CRTAC1: variants seen among roughly 807,000 people sequenced by gnomAD.
CRTAC1 encodes the protein cartilage acidic protein 1, also known as acidic secreted protein in cartilage.
CRTAC1 carries 37 observed loss-of-function variants against 67.8 expected under a neutral mutation model. The observed-to-expected ratio is 0.55, with a 90% CI of 0.42 to 0.72. The LOEUF (loss-of-function observed/expected upper bound fraction) is 0.72. Ranked by LOEUF, CRTAC1 falls within the 30% of genes least tolerant of loss-of-function variation. The pLI, the probability that CRTAC1 is intolerant of heterozygous loss-of-function variation, is 0.00. For missense variants in CRTAC1, 780 were observed against 931.6 expected, an observed-to-expected ratio of 0.84 and a Z score of 2.12; for synonymous variants, 348 against 371.0, an observed-to-expected ratio of 0.94 and a Z score of 0.71.
intron 2 of CRTAC1, among the ~76,000 whole-genome samples, chr10:97,966,854 A>G (rs559437311): frequency 6.6e-6 from 1 of 152,160 alleles, no homozygotes; most frequent in South Asian, 2.1e-4. Context: ...GGTTTTTGGG[A>G]GGAAGACCAC....
chr10:97,927,428 G>A (rs547510975), intron 3 of CRTAC1, among the ~76,000 whole-genome samples: 97 of 152,176 alleles, frequency 6.4e-4, no homozygotes, highest in Non-Finnish European at 1.2e-3. Flanking sequence ...TTTCCCAAAT[G>A]TTCCTTGGCC....
Position 97,949,544 on chromosome 10 carries a change from G to C in CRTAC1, c.225-13178C>G, listed in dbSNP as rs113212140. Reference sequence around the variant, plus strand: ...GGCTGCCTTCCCCCAACCCTACGGAGTGTCTTGGTAAAGGTGGCAGAAGCA... The same window carrying C: ...GGCTGCCTTCCCCCAACCCTACGGACTGTCTTGGTAAAGGTGGCAGAAGCA... On this transcript the variant is annotated intron_variant, in intron 2 of 14. Transcript: ENST00000370597. Among the ~76,000 whole-genome samples, 45 of 152,370 alleles carry C rather than the reference G, an allele frequency of 3.0e-4. 1 individual carries two copies. The highest frequency in any genetic ancestry group is 1.1e-3 in the African/African-American group (45 of 41,592).
At chr10:97,971,945 C>T (rs1256504349) in intron 2 of CRTAC1, among the ~76,000 whole-genome samples, 1 of 152,114 alleles carries the variant, frequency 6.6e-6, no homozygotes, top group African/African-American at 2.4e-5. Flanking sequence ...GCGTGTCCAG[C>T]GTGCCTTTTA....
intron 2 of CRTAC1, among the ~76,000 whole-genome samples, chr10:97,976,082 G>A (rs1369627606): frequency 6.6e-6 from 1 of 152,136 alleles, no homozygotes; most frequent in Non-Finnish European, 1.5e-5. Context: ...CCTGTTCCTG[G>A]CCATCTAGAG....
At chr10:97,989,788 C>T (rs1031916504) in intron 2 of CRTAC1, among the ~76,000 whole-genome samples, 3 of 152,208 alleles carry the variant, frequency 2.0e-5, no homozygotes, top group Non-Finnish European at 2.9e-5. Flanking sequence ...GTAACTCGTT[C>T]TAAGGTCCCA....
intron 13 of CRTAC1, among the ~76,000 whole-genome samples, chr10:97,880,920 G>T (rs1302260288): frequency 6.6e-6 from 1 of 151,896 alleles, no homozygotes; most frequent in Non-Finnish European, 1.5e-5. Flanking sequence ...CGTCTTTCTT[G>T]CCCCCTGTGC....
At chr10:97,878,870 C>T (rs893386125) in intron 14 of CRTAC1, among the ~76,000 whole-genome samples, 3 of 152,190 alleles carry the variant, frequency 2.0e-5, no homozygotes, top group Admixed American at 6.5e-5. Flanking sequence ...AGTACACACT[C>T]CATTTCTGCC....
intron 8 of CRTAC1, 39 bp from the exon 9 acceptor site, chr10:97,897,030 A>AAT: frequency 6.8e-7 from 1 of 1,478,152 alleles, no homozygotes; most frequent in African/African-American, 1.4e-5. Flanking sequence ...GTGGGGTCTC[A>AAT]GAGGCCGCTG....
At chr10:97,954,473 G>C (rs2051408664) in intron 2 of CRTAC1, among the ~76,000 whole-genome samples, 2 of 152,194 alleles carry the variant, frequency 1.3e-5, no homozygotes, top group South Asian at 4.1e-4. Flanking sequence ...CAGTGACCCA[G>C]ATTCTGCCCT....
intron 11 of CRTAC1, among the ~76,000 whole-genome samples, chr10:97,887,969 G>A (rs972185676): frequency 2.0e-5 from 3 of 152,254 alleles, no homozygotes; most frequent in African/African-American, 4.8e-5. Flanking sequence ...ACATCTCCAC[G>A]AGGAAGGTGC....
chr10:97,896,801 G>A, intron 9 of CRTAC1, 108 bp downstream of exon 9: 1 of 681,726 alleles, frequency 1.5e-6, no homozygotes, highest in Non-Finnish European at 2.4e-6. Flanking sequence ...GGCAGGGACA[G>A]GAGTGGCTCT....
At chr10:97,951,676 T>A (rs1210005734) in intron 2 of CRTAC1, among the ~76,000 whole-genome samples, 3 of 152,240 alleles carry the variant, frequency 2.0e-5, no homozygotes, top group Non-Finnish European at 4.4e-5. Flanking sequence ...GATAAACAGT[T>A]ATTTTAATTA....
intron 2 of CRTAC1, among the ~76,000 whole-genome samples, chr10:97,979,037 G>A (rs1280164025): frequency 2.0e-5 from 3 of 152,092 alleles, no homozygotes; most frequent in African/African-American, 4.8e-5. Context: ...GCTGGTCCTC[G>A]ACTCTGTGTG....
At chr10:98,002,977 G>T (rs1337937516) in intron 2 of CRTAC1, among the ~76,000 whole-genome samples, 4 of 151,016 alleles carry the variant, frequency 2.6e-5, no homozygotes, top group Admixed American at 6.6e-5. Context: ...TAGAGACGGG[G>T]TTTCACCATG....
rs547484279 is a variant in CRTAC1, at chr10:97,967,575, AT to A, written c.225-31210del. Among the ~76,000 whole-genome samples the A allele has an allele frequency of 1.8e-3, 267 of 152,344 alleles. 1 individual carries two copies. Among genetic ancestry groups the A allele is most frequent in the African/African-American group, 6.1e-3 (254 of 41,568 alleles). ...TGTGTATACTAACCCATGTATAGAC[AT>A]TTATCTATAAATATTTCTATATGTA... On this transcript the variant is annotated intron_variant, in intron 2 of 14. Transcript: ENST00000370597.
At chr10:97,910,191 T>C (rs563539282) in intron 5 of CRTAC1, among the ~76,000 whole-genome samples, 211 of 152,230 alleles carry the variant, frequency 1.4e-3, no homozygotes, top group Non-Finnish European at 2.6e-3. Context: ...GCTAAGAGAG[T>C]AGATTTTAAG....
intron 11 of CRTAC1, among the ~76,000 whole-genome samples, chr10:97,887,489 C>T (rs930889121): frequency 3.1e-4 from 47 of 152,150 alleles, no homozygotes; most frequent in Admixed American, 2.3e-3. Context: ...GTGATCCACC[C>T]AGCCTCGGCC....
chr10:98,011,056 A>T (rs1380804049), intron 2 of CRTAC1, 82 bp downstream of exon 2: 9 of 1,188,122 alleles, frequency 7.6e-6, no homozygotes, highest in Non-Finnish European at 8.8e-6. Flanking sequence ...GTTGCAAGTC[A>T]CTGGGGTTTG....
chr10:97,879,845 G>C (rs1412416114), intron 14 of CRTAC1: 1 of 481,478 alleles, frequency 2.1e-6, no homozygotes, highest in Non-Finnish European at 3.6e-6. Flanking sequence ...GGGAAAAAGA[G>C]AAAGGGGGTG....
Sources: allele counts gnomAD v4.1 joint callset (sites outside exome capture counted in the v4.1 genomes callset), GRCh38; gene constraint gnomAD v4.1.1; transcripts MANE v1.5; gene names NCBI Gene and HGNC (gene_info 2026-07-23, HGNC 2026-07-21).